The following ABCC1 variants were observed in gnomAD, a reference collection of about 807,000 sequenced individuals.
ABCC1 encodes multidrug resistance-associated protein 1.
Under a neutral mutation model 172.9 loss-of-function variants are expected in ABCC1, and 83 were observed. That is an observed-to-expected ratio of 0.48 (90% CI 0.40 to 0.58). ABCC1 has a LOEUF of 0.58. ABCC1 is among the 20% of genes least tolerant of loss of function. ABCC1 has a pLI of 0.00. For synonymous variants in ABCC1, 937 were observed against 825.2 expected (o/e 1.14, Z -2.32); for missense variants, 1,817 against 2,002.7 (o/e 0.91, Z 1.77).
chr16:16,114,644 C>CATTATT, intron 22 of ABCC1, 122 bp from the exon 23 acceptor site: 2 of 922,300 alleles, frequency 2.2e-6, no homozygotes, highest in Non-Finnish European at 3.1e-6. Flanking sequence ...CCTGGTTCAT[C>CATTATT]ATTATTATTA....
rs531393235 is a variant in ABCC1, at chr16:16,116,184, G to C, written c.3390+1108G>C. On this transcript the variant is annotated intron_variant, in intron 23 of 30. Coordinates refer to ENST00000399410, the MANE Select transcript of ABCC1 (RefSeq NM_004996.4). ...CTCCCAAAGTGCTGGGATTACAGGC[G>C]TGAGCCACTGCGCCCGGCCCCTTTC... 7.2e-5 allele frequency among the ~76,000 whole-genome samples: 11 copies of C among 151,972 alleles called. No individual in the cohort carries two copies. The South Asian group carries it at 2.3e-3, about 32-fold the overall frequency.
chr16:16,111,937 T>A (rs2052405042), intron 22 of ABCC1, among the ~76,000 whole-genome samples: 2 of 152,170 alleles, frequency 1.3e-5, no homozygotes, highest in East Asian at 3.8e-4. Context: ...ATTTGCGGAC[T>A]TTTGCCTGCT....
At chr16:16,105,986 C>T (rs1356285099) in intron 20 of ABCC1, among the ~76,000 whole-genome samples, 1 of 151,292 alleles carries the variant, frequency 6.6e-6, no homozygotes, top group African/African-American at 2.4e-5. Flanking sequence ...AAGCGATTCT[C>T]CTGCCTCAAC....
At chr16:16,014,339 G>A in intron 3 of ABCC1, 152 bp from the exon 4 acceptor site, 3 of 846,480 alleles carry the variant, frequency 3.5e-6, no homozygotes, top group Admixed American at 6.1e-5. Context: ...CCAGCTACTT[G>A]GGAAGCTGAG....
At chr16:15,983,418 T>C (rs1236994877) in intron 1 of ABCC1, among the ~76,000 whole-genome samples, 1 of 151,990 alleles carries the variant, frequency 6.6e-6, no homozygotes, top group Non-Finnish European at 1.5e-5. Flanking sequence ...TTTGAAGATA[T>C]CCCCTGTCTG....
chr16:16,087,478 G>A (rs1371373671), intron 18 of ABCC1, among the ~76,000 whole-genome samples: 1 of 151,950 alleles, frequency 6.6e-6, no homozygotes, highest in Non-Finnish European at 1.5e-5. Flanking sequence ...TTTTTTTGAG[G>A]TGGAGTTTCG....
At chr16:16,050,353 G>T (rs537480086) in intron 10 of ABCC1, among the ~76,000 whole-genome samples, 1 of 152,110 alleles carries the variant, frequency 6.6e-6, no homozygotes, top group East Asian at 1.9e-4. Flanking sequence ...CAACTACTTG[G>T]GTGGCTGAGG....
intron 14 of ABCC1, among the ~76,000 whole-genome samples, chr16:16,074,947 C>CTTTT (rs71137910): frequency 1.5e-5 from 2 of 129,196 alleles, no homozygotes; most frequent in African/African-American, 2.9e-5. Context: ...TTTTCTTTTT[C>CTTTT]TTTTTTTTTT....
intron 1 of ABCC1, among the ~76,000 whole-genome samples, chr16:15,971,460 C>G (rs1001083797): frequency 6.6e-6 from 1 of 152,216 alleles, no homozygotes; most frequent in African/African-American, 2.4e-5. Flanking sequence ...TTACAAGAAA[C>G]TTTTCCGGAG....
At chr16:15,950,184 CTT>C (rs1195124507) in intron 1 of ABCC1, among the ~76,000 whole-genome samples, 1 of 151,588 alleles carries the variant, frequency 6.6e-6, no homozygotes, top group South Asian at 2.1e-4. Flanking sequence ...GTTTTCCCAT[CTT>C]TTTTGTGGTT....
intron 7 of ABCC1, among the ~76,000 whole-genome samples, chr16:16,043,010 C>T (rs1030413368): frequency 1.1e-4 from 17 of 150,958 alleles, no homozygotes; most frequent in Admixed American, 9.9e-4. Flanking sequence ...TACAGGCAAC[C>T]GCCACCATGC....
At chr16:16,035,332 G>C (rs953529980) in intron 6 of ABCC1, among the ~76,000 whole-genome samples, 14 of 152,082 alleles carry the variant, frequency 9.2e-5, no homozygotes, top group Non-Finnish European at 1.8e-4. Context: ...AGGAGGCAGA[G>C]GTTGCAGTGC....
chr16:15,956,925 T>C (rs905977803), intron 1 of ABCC1, among the ~76,000 whole-genome samples: 2 of 152,112 alleles, frequency 1.3e-5, no homozygotes, highest in African/African-American at 4.8e-5. Flanking sequence ...GTCAGCTGTT[T>C]GTTGAATAAA....
At chr16:16,039,903 G>A (rs1424143225) in intron 7 of ABCC1, among the ~76,000 whole-genome samples, 1 of 152,072 alleles carries the variant, frequency 6.6e-6, no homozygotes, top group African/African-American at 2.4e-5. Context: ...GTGGCTTGAG[G>A]AAAGTGAGTG....
chr16:16,060,553 C>T (rs1398717755), intron 12 of ABCC1, among the ~76,000 whole-genome samples: 2 of 152,038 alleles, frequency 1.3e-5, no homozygotes, highest in African/African-American at 2.4e-5. Context: ...GACTGAGTCT[C>T]ACTCTGTCAC....
In ABCC1 at chr16:16,124,731, C is replaced by T. The variant is rs1310585818; in HGVS notation, c.3591-58C>T. 28 of 1,609,598 alleles carry T rather than the reference C, an allele frequency of 1.7e-5. No homozygotes were observed. The South Asian group carries it at 3.0e-4, about 17-fold the overall frequency. ...CCCTTCCTCCCCCAAGAGCTGTAAG[C>T]CAAGTCTCTGTAGAGCTGACTCCAT... On this transcript the variant is annotated intron_variant, in intron 24 of 30. Transcript: ENST00000399410.
chr16:15,992,966 A>G (rs1026016514), intron 1 of ABCC1, among the ~76,000 whole-genome samples: 2 of 151,514 alleles, frequency 1.3e-5, no homozygotes, highest in African/African-American at 4.9e-5. Flanking sequence ...AGATCTTTGC[A>G]CAGCCAGCTC....
At chr16:16,023,213 T>A (rs1597132061) in intron 5 of ABCC1, among the ~76,000 whole-genome samples, 2 of 152,310 alleles carry the variant, frequency 1.3e-5, no homozygotes, top group South Asian at 4.1e-4. Flanking sequence ...TGAACCTAGT[T>A]TTTTTGATAT....
intron 5 of ABCC1, among the ~76,000 whole-genome samples, chr16:16,017,551 C>T (rs556190424): frequency 8.5e-5 from 13 of 152,164 alleles, no homozygotes; most frequent in African/African-American, 3.1e-4. Context: ...GCTATTCCTC[C>T]TGATGTTCTC....
Sources: gnomAD v4.1 joint callset for allele counts (sites outside exome capture counted in the v4.1 genomes callset) on GRCh38, gnomAD v4.1.1 for gene constraint, MANE v1.5 for transcripts, NCBI Gene and HGNC (gene_info 2026-07-23, HGNC 2026-07-21) for gene names.